The following FASN variants were observed in gnomAD, a reference collection of about 807,000 sequenced individuals.
The protein encoded by FASN is fatty acid synthase.
FASN carries 50 observed loss-of-function variants against 250.0 expected under a neutral mutation model. That is an observed-to-expected ratio of 0.20 (90% confidence interval 0.16 to 0.25). The LOEUF (loss-of-function observed/expected upper bound fraction) is 0.25, where lower values mean the gene tolerates loss of function less well. Ranked by LOEUF, FASN falls within the 10% of genes least tolerant of loss-of-function variation. The pLI is 1.00. For missense variants in FASN, 3,031 were observed against 3,498.5 expected (o/e 0.87, Z 3.37); for synonymous variants, 1,909 against 1,584.0 (o/e 1.21, Z -4.87).
chr17:82,081,083 G>T, intron 38 of FASN, 81 bp downstream of exon 38: 1 of 1,495,078 alleles, frequency 6.7e-7, no homozygotes, highest in Non-Finnish European at 9.0e-7. Context: ...CGGTATGCCT[G>T]CCGGGACACG....
rs1472831958 is a variant in FASN, at chr17:82,078,888, C to A, written c.*255G>T. ...CGCACGAGGCCCAGCCCAGTTCCTG[C>A]GGGCACGGGCACCACCGGCTCTTCA... On this transcript the variant is annotated 3_prime_UTR_variant, in exon 43 of 43. Transcript: ENST00000306749. This position sits in a 1 kb window ranked among gnomAD's most constrained non-coding sequence, Gnocchi z 5.4. The A allele has an allele frequency of 5.2e-6, 3 of 576,314 alleles. No homozygotes were observed. The highest frequency in any genetic ancestry group is 4.0e-5 in the African/African-American group (2 of 50,578). 35.7% of individuals were successfully genotyped at this position (576,314 alleles called of 1,614,324 possible).
At chr17:82,088,339 G>A (rs192897796) in intron 16 of FASN, 32 bp from the exon 17 acceptor site, 13 of 1,609,826 alleles carry the variant, frequency 8.1e-6, no homozygotes, top group South Asian at 6.6e-5. Context: ...AGCACAGAGC[G>A]GGCGTCTGTG....
At chr17:82,082,805 C>T in intron 33 of FASN, 109 bp downstream of exon 33, 2 of 1,545,138 alleles carry the variant, frequency 1.3e-6, no homozygotes, top group East Asian at 2.3e-5. Flanking sequence ...TGGAGGGGGA[C>T]AGACCCCAGG....
At position 82,083,215 on chromosome 17, in the gene FASN, T is replaced by C; in HGVS notation, c.5552A>G (p.Lys1851Arg). 6.2e-7 allele frequency: 1 copy of C among 1,612,684 alleles called. No homozygotes were observed. The highest frequency in any genetic ancestry group is 8.5e-7 in the Non-Finnish European group (1 of 1,179,974). Residue 1851 changes from lysine (K) to arginine (R), a missense_variant, in exon 32 of 43, where the codon AAA (lysine) becomes AGA (arginine). Coordinates refer to ENST00000306749, the MANE Select transcript of FASN (RefSeq NM_004104.5). ...TCCTCCCCTCACCTGCACGACGACT[T>C]TGCCAATGTGCTTCCCTTGGGCCAT... ...RYMAQGKHIG[K>R]VVVQVLAEEP...
At chr17:82,097,210 C>A (rs1250525382) in intron 1 of FASN, 2 of 153,432 alleles carry the variant, frequency 1.3e-5, no homozygotes, top group Admixed American at 1.3e-4. Flanking sequence ...GCCTGGCACC[C>A]TTCACCTGCG....
chr17:82,084,842 G>C lies in FASN; in HGVS notation c.4521C>G (p.Arg1507=). 1 of 1,550,436 alleles carries C rather than the reference G, an allele frequency of 6.4e-7. No homozygotes were observed. The highest frequency in any genetic ancestry group is 8.7e-7 in the Non-Finnish European group (1 of 1,146,980). Reference sequence around the variant, plus strand: ...GGCGGAAAGCCCCCCAGGCCCCGTCGCGGTAGACGTTCATCACCAGGTCTC... The same window carrying C: ...GGCGGAAAGCCCCCCAGGCCCCGTCCCGGTAGACGTTCATCACCAGGTCTC... The part of the protein sequence containing the change: ...LQGDLVMNVY[R]DGAWGAFRHF... Residue 1507 remains arginine (R), a synonymous_variant, in exon 26 of 43, where the codon CGC becomes CGG. Coordinates refer to ENST00000306749, the MANE Select transcript of FASN (RefSeq NM_004104.5).
In FASN at chr17:82,096,371, G is replaced by A. The variant is rs1367827390; in HGVS notation, c.75C>T (p.Asn25=). Residue 25 remains asparagine, a synonymous_variant, in exon 2 of 43, where the codon AAC becomes AAT. Transcript: ENST00000306749. Reference sequence around the variant, plus strand: ...TGACCATGTCCACACCGCCGATGAGGTTGTCCCAGAACTCCTGCAAGTTCT... The same window carrying A: ...TGACCATGTCCACACCGCCGATGAGATTGTCCCAGAACTCCTGCAAGTTCT... ...ESENLQEFWD[N]LIGGVDMVTD... is the part of the protein sequence containing the mutation. The A allele has an allele frequency of 7.4e-6, 12 of 1,612,910 alleles. No homozygotes were observed. Among genetic ancestry groups the A allele is most frequent in the Non-Finnish European group, 1.0e-5 (12 of 1,180,010 alleles).
At chr17:82,082,810 C>T (rs1428366909) in intron 33 of FASN, 104 bp downstream of exon 33, 3 of 1,549,042 alleles carry the variant, frequency 1.9e-6, no homozygotes, top group South Asian at 2.3e-5. Flanking sequence ...GGGGACAGAC[C>T]CCAGGCACCG....
rs769434721 is a variant in FASN at position 82,088,224 on chromosome 17, T to A, written c.2677A>T (p.Ser893Cys). ...RVLFPATGYLSIVWKTLARAL... is the reference protein window; with the variant it reads ...RVLFPATGYLCIVWKTLARAL... ...CGGGCCAGCGTCTTCCACACTATGC[T>A]CAGGTAGCCAGTGGCGGGGAAGAGG... is the stretch of plus-strand genomic sequence containing the variant. The change falls in exon 17 of 43, where the codon AGC (serine) becomes TGC (cysteine). Residue 893 changes from serine (S) to cysteine (C), a missense_variant. Transcript: ENST00000306749. 1 of 1,611,164 alleles carries A rather than the reference T, an allele frequency of 6.2e-7. No homozygotes were observed. The highest frequency in any genetic ancestry group is 8.5e-7 in the Non-Finnish European group (1 of 1,179,942).
chr17:82,095,529 C>CT, intron 2 of FASN, 57 bp from the exon 3 acceptor site: 3 of 1,598,552 alleles, frequency 1.9e-6, no homozygotes, highest in Non-Finnish European at 2.6e-6. Flanking sequence ...GGTGGGGGCC[C>CT]TGTGGGGTGC....
chr17:82,079,655 G>A (rs746799170), intron 41 of FASN, 47 bp from the exon 42 acceptor site: 20 of 1,593,800 alleles, frequency 1.3e-5, no homozygotes, highest in African/African-American at 2.7e-5. Flanking sequence ...CCACAGCACC[G>A]GCCTGCCCTG....
chr17:82,082,170 C>G lies in FASN; in HGVS notation c.6012-10G>C. On this transcript the variant is annotated splice_polypyrimidine_tract_variant and intron_variant, in intron 35 of 42. Coordinates refer to ENST00000306749, the MANE Select transcript of FASN (RefSeq NM_004104.5). ...CGCCTCTCGGGTCACCCTGTGGGCA[C>G]GCGTGTCACTCCCCATTGGCCAGCA... is the stretch of plus-strand genomic sequence containing the variant. 6.2e-7 allele frequency: 1 copy of G among 1,601,700 alleles called. No homozygotes were observed. The highest frequency in any genetic ancestry group is 1.1e-5 in the South Asian group (1 of 91,088).
rs1339384445 is a variant in FASN, at chr17:82,087,105, C to T, written c.3372G>A (p.Glu1124=). The change falls in exon 21 of 43, where the codon GAG becomes GAA. Residue 1124 remains glutamate, a synonymous_variant. Transcript: ENST00000306749. Reference sequence around the variant, plus strand: ...CAGCGCGCTCAGACAGGCACCCCTCCTCCGTGTGGGGAGTGAAGCAAAACT... The same window carrying T: ...CAGCGCGCTCAGACAGGCACCCCTCTTCCGTGTGGGGAGTGAAGCAAAACT... The part of the protein sequence containing the change: ...LEKFCFTPHT[E]EGCLSERAAL... The T allele has an allele frequency of 6.2e-7, 1 of 1,612,068 alleles. No homozygotes were observed. The highest frequency in any genetic ancestry group is 1.7e-5 in the Admixed American group (1 of 60,008).
chr17:82,092,121 C>T (rs1223860885), intron 8 of FASN, among the ~76,000 whole-genome samples: 2 of 152,104 alleles, frequency 1.3e-5, no homozygotes, highest in African/African-American at 4.8e-5. Flanking sequence ...GTGGGCGACA[C>T]GGGAGACCCT....
intron 28 of FASN, 34 bp downstream of exon 28, chr17:82,084,200 G>C (rs376215453): frequency 6.2e-7 from 1 of 1,609,750 alleles, no homozygotes; most frequent in South Asian, 1.1e-5. Context: ...CGCCATCCAC[G>C]TGGGGCCCAG....
chr17:82,082,445 G>C (rs898716719), intron 34 of FASN, 31 bp from the exon 35 acceptor site: 8 of 1,612,060 alleles, frequency 5.0e-6, no homozygotes, highest in Non-Finnish European at 6.8e-6. Flanking sequence ...ACTCCCTGCA[G>C]CTCCAGGGCC....
At chr17:82,090,608 G>A in intron 10 of FASN, 44 bp from the exon 11 acceptor site, 1 of 1,564,780 alleles carries the variant, frequency 6.4e-7, no homozygotes, top group Non-Finnish European at 8.8e-7. Flanking sequence ...TCCAGCAGGT[G>A]CAGCTGTTGG....
rs773063554 is a variant in FASN, at chr17:82,085,730, C to T, written c.3874G>A (p.Val1292Ile). Residue 1292 changes from valine (V) to isoleucine (I), a missense_variant, in exon 23 of 43, where the codon GTT becomes ATT. Physicochemically the swap from Val to Ile is conservative, Grantham distance 29 (BLOSUM62 3). Coordinates refer to ENST00000306749, the MANE Select transcript of FASN (RefSeq NM_004104.5). ...GCGGGATCCCACTGGCCCTGGGCAACGTCGTGCTGCTGCAGCTCGGCCTGG... is the reference window on the plus strand; with the variant it reads ...GCGGGATCCCACTGGCCCTGGGCAATGTCGTGCTGCTGCAGCTCGGCCTGG... ...AAQAELQQHD[V>I]AQGQWDPADP... The T allele has an allele frequency of 2.1e-5, 33 of 1,565,212 alleles. No homozygotes were observed. The Admixed American group carries it at 3.2e-4, about 15-fold the overall frequency.
intron 38 of FASN, 120 bp from the exon 39 acceptor site, chr17:82,081,042 G>T: frequency 7.2e-7 from 1 of 1,396,330 alleles, no homozygotes; most frequent in South Asian, 1.2e-5. Context: ...GTCGGGGTGG[G>T]AACGCTCAGA....
Sources: gnomAD v4.1 joint callset for allele counts (sites outside exome capture counted in the v4.1 genomes callset) on GRCh38, gnomAD v4.1.1 for gene constraint, Gnocchi (gnomAD v3.1) non-coding constraint, MANE v1.5 for transcripts, NCBI Gene and HGNC (gene_info 2026-07-23, HGNC 2026-07-21) for gene names.